Variants in PIAS2 observed in about 807,000 individuals in gnomAD.
PIAS2 encodes protein inhibitor of activated STAT 2.
In PIAS2, 19 loss-of-function variants were observed where a neutral mutation model predicts 69.7. That is an observed-to-expected ratio of 0.27 (90% confidence interval 0.19 to 0.40). PIAS2 has a LOEUF of 0.40. PIAS2 is among the 10% of genes least tolerant of loss of function. PIAS2 has a pLI of 1.00. For synonymous variants in PIAS2, 261 were observed against 263.2 expected (o/e 0.99, Z 0.08); for missense variants, 624 against 757.0 (o/e 0.82, Z 2.06).
chr18:46,823,950 ATGG>A (rs1167293922), intron 11 of PIAS2, among the ~76,000 whole-genome samples: 1 of 152,218 alleles, frequency 6.6e-6, no homozygotes. Context: ...ATGGCTATGG[ATGG>A]TGAAATGATG....
At chr18:46,839,385 G>A (rs2044953006) in intron 8 of PIAS2, among the ~76,000 whole-genome samples, 1 of 152,092 alleles carries the variant, frequency 6.6e-6, no homozygotes, top group Non-Finnish European at 1.5e-5. Flanking sequence ...CATGCTACTA[G>A]TAATGTTACT....
intron 8 of PIAS2, among the ~76,000 whole-genome samples, chr18:46,838,014 C>T (rs762992818): frequency 2.6e-5 from 4 of 152,240 alleles, no homozygotes; most frequent in East Asian, 1.9e-4. Flanking sequence ...ACGAAGAAGA[C>T]GGACCTATTT....
chr18:46,863,897 C>T (rs2049033318), intron 3 of PIAS2, among the ~76,000 whole-genome samples: 1 of 152,104 alleles, frequency 6.6e-6, no homozygotes, highest in African/African-American at 2.4e-5. Flanking sequence ...GGTCCCCAAT[C>T]CAATATGACA....
At chr18:46,910,860 CAA>C (rs978998356) in intron 1 of PIAS2, among the ~76,000 whole-genome samples, 1 of 152,162 alleles carries the variant, frequency 6.6e-6, no homozygotes, top group Non-Finnish European at 1.5e-5. Flanking sequence ...CAATCAGGAA[CAA>C]AGACAAGCCA....
intron 2 of PIAS2, among the ~76,000 whole-genome samples, chr18:46,871,073 T>C (rs1239414842): frequency 6.6e-6 from 1 of 152,148 alleles, no homozygotes; most frequent in African/African-American, 2.4e-5. Flanking sequence ...GGCCTAGACT[T>C]AGAAGACCCT....
chr18:46,890,880 G>A lies in PIAS2; in HGVS notation c.199C>T (p.Arg67Ter), dbSNP rs2053977704. ...AAATCAGAAAGTCCTTCAAGAGTTC[G>A]TGGATATCGGCGTCTATACAATTCT... ...IRELYRRRYP[R>*]TLEGLSDLST... Residue 67 changes from arginine (R) to a stop codon, truncating the protein, a stop_gained, in exon 2 of 14, where the codon CGA (arginine) becomes TGA (stop). Coordinates refer to ENST00000585916, the MANE Select transcript of PIAS2 (RefSeq NM_004671.5). LOFTEE classifies it high-confidence loss of function. The A allele has an allele frequency of 1.9e-6, 3 of 1,614,134 alleles. No homozygotes were observed. The highest frequency in any genetic ancestry group is 2.5e-6 in the Non-Finnish European group (3 of 1,180,024).
At chr18:46,818,554 A>G in intron 12 of PIAS2, 1 of 972,946 alleles carries the variant, frequency 1.0e-6, no homozygotes. Flanking sequence ...ATATTTTATT[A>G]TAAATTATTA....
rs756207626 is a variant in PIAS2 at position 46,884,810 on chromosome 18, G to A, written c.499+5770C>T. Reference sequence around the variant, plus strand: ...CACATGCCTGTAATCCCAGCTACTCGGGAGGCTGAGGCAGGAGAATCGCTT... The same window carrying A: ...CACATGCCTGTAATCCCAGCTACTCAGGAGGCTGAGGCAGGAGAATCGCTT... On this transcript the variant is annotated intron_variant, in intron 2 of 13. Coordinates refer to ENST00000585916, the MANE Select transcript of PIAS2 (RefSeq NM_004671.5). 4.6e-5 allele frequency among the ~76,000 whole-genome samples: 7 copies of A among 151,984 alleles called. No individual in the cohort carries two copies. The East Asian group carries it at 7.8e-4, about 17-fold the overall frequency.
chr18:46,917,890 A>G (rs1237925271), upstream of PIAS2: 2 of 152,190 alleles, frequency 1.3e-5, no homozygotes, highest in Non-Finnish European at 2.9e-5. Flanking sequence ...CATCCCCCAG[A>G]GTAGTTGTGG....
intron 12 of PIAS2, among the ~76,000 whole-genome samples, chr18:46,819,501 T>C (rs1298453914): frequency 1.3e-5 from 2 of 152,168 alleles, no homozygotes; most frequent in Non-Finnish European, 2.9e-5. Context: ...TCTATTCTTT[T>C]CCACTAAATT....
chr18:46,875,894 G>T (rs1012494488), intron 2 of PIAS2, among the ~76,000 whole-genome samples: 2 of 152,198 alleles, frequency 1.3e-5, no homozygotes, highest in Non-Finnish European at 2.9e-5. Context: ...CACAGCCTAG[G>T]GTAATGAATT....
chr18:46,888,609 A>T (rs969206324), intron 2 of PIAS2, among the ~76,000 whole-genome samples: 1 of 152,162 alleles, frequency 6.6e-6, no homozygotes, highest in Non-Finnish European at 1.5e-5. Context: ...CATGGCAGAC[A>T]ATTTTCCCAC....
chr18:46,830,243 T>C (rs2043403279), intron 9 of PIAS2, among the ~76,000 whole-genome samples: 1 of 151,950 alleles, frequency 6.6e-6, no homozygotes, highest in Non-Finnish European at 1.5e-5. Flanking sequence ...TTTATAAACT[T>C]TAACTTCGAG....
chr18:46,834,651 A>G (rs649076), intron 9 of PIAS2, among the ~76,000 whole-genome samples: 80,386 of 152,010 alleles, frequency 0.53, 21,495 homozygotes, highest in African/African-American at 0.57. Flanking sequence ...GTCTTTCTCC[A>G]TCACCCAGGT....
In PIAS2 at chr18:46,917,453, C is replaced by G; in HGVS notation, c.-108G>C. ...CCGCCGCCTCCAGCACCATCCTGCA[C>G]TGGGCGCCGCTTAAGACGCCGCGGC... On this transcript the variant is annotated 5_prime_UTR_variant, in exon 1 of 14. Coordinates refer to ENST00000585916, the MANE Select transcript of PIAS2 (RefSeq NM_004671.5). 1 of 1,238,268 alleles carries G rather than the reference C, an allele frequency of 8.1e-7. No homozygotes were observed. Among genetic ancestry groups the G allele is most frequent in the Non-Finnish European group, 1.0e-6 (1 of 986,204 alleles). The allele number at this position is 1,238,268 out of a possible 1,614,324, so 76.7% of individuals were successfully genotyped here.
chr18:46,904,754 C>CAAAAA (rs767029961), intron 1 of PIAS2, among the ~76,000 whole-genome samples: 9 of 104,914 alleles, frequency 8.6e-5, no homozygotes, highest in African/African-American at 3.2e-4. Flanking sequence ...CCATCCGTCT[C>CAAAAA]AAAAAAAAAA....
rs1250157760 is a variant in PIAS2, at chr18:46,812,399, G to C, written c.*34C>G. On this transcript the variant is annotated 3_prime_UTR_variant, in exon 14 of 14. Coordinates refer to ENST00000585916, the MANE Select transcript of PIAS2 (RefSeq NM_004671.5). ...TAGAGATCCAAGAAAAAGCAGTTCT[G>C]ATGAATGATTCCCAGAATCAAGTGA... 2.9e-6 allele frequency: 4 copies of C among 1,373,052 alleles called. No homozygotes were observed. The highest frequency in any genetic ancestry group is 4.1e-6 in the Non-Finnish European group (4 of 977,328). The allele number at this position is 1,373,052 out of a possible 1,614,324, so 85.1% of individuals were successfully genotyped here. A position where few individuals can be genotyped will look rare whatever the true frequency, so the allele number is the denominator to read the frequency against.
chr18:46,826,353 T>C (rs2042849874), intron 11 of PIAS2, among the ~76,000 whole-genome samples: 1 of 152,082 alleles, frequency 6.6e-6, no homozygotes, highest in Admixed American at 6.6e-5. Flanking sequence ...GATAAAAATG[T>C]AGTAAAGGAC....
At chr18:46,873,732 T>C (rs1205377812) in intron 2 of PIAS2, among the ~76,000 whole-genome samples, 2 of 152,200 alleles carry the variant, frequency 1.3e-5, no homozygotes, top group African/African-American at 4.8e-5. Context: ...TTAGATAACC[T>C]TCAGTTGCTA....
Sources: allele counts gnomAD v4.1 joint callset (sites outside exome capture counted in the v4.1 genomes callset), GRCh38; gene constraint gnomAD v4.1.1; transcripts MANE v1.5; gene names NCBI Gene and HGNC (gene_info 2026-07-23, HGNC 2026-07-21).